WWOX: variants seen among roughly 807,000 people sequenced by gnomAD.
WWOX encodes the protein WW domain-containing oxidoreductase.
WWOX carries 69 observed loss-of-function variants against 46.2 expected under a neutral mutation model. That is an observed-to-expected ratio of 1.49 (90% CI 1.23 to 1.82). The LOEUF (loss-of-function observed/expected upper bound fraction) is 1.82, where lower values mean the gene tolerates loss of function less well. WWOX is among the 40% of genes most tolerant of loss of function. The pLI, the probability that WWOX is intolerant of heterozygous loss-of-function variation, is 0.00. For missense variants in WWOX, 919 were observed against 542.6 expected (o/e 1.69, Z -6.89); for synonymous variants, 359 against 202.6 (o/e 1.77, Z -6.56).
chr16:79,096,404 T>C lies in WWOX; in HGVS notation c.1057-115204T>C, dbSNP rs542823677. Among the ~76,000 whole-genome samples, 13 of 152,206 alleles carry C rather than the reference T, an allele frequency of 8.5e-5. No individual in the cohort carries two copies. The South Asian group carries it at 2.3e-3, about 27-fold the overall frequency. On this transcript the variant is annotated intron_variant, in intron 8 of 8. Transcript: ENST00000566780. ...GGCTCTGTTCTTCCTGCCAGTGCTCTTCCCCCTGCTCACTGGGTTCCAGCT... is the reference window on the plus strand; with the variant it reads ...GGCTCTGTTCTTCCTGCCAGTGCTCCTCCCCCTGCTCACTGGGTTCCAGCT...
chr16:79,135,803 A>G (rs2049971467), intron 8 of WWOX, among the ~76,000 whole-genome samples: 1 of 152,174 alleles, frequency 6.6e-6, no homozygotes, highest in Non-Finnish European at 1.5e-5. Flanking sequence ...TTTACATTGT[A>G]ATTGTGAGTG....
intron 5 of WWOX, among the ~76,000 whole-genome samples, chr16:78,384,485 T>C (rs1376667235): frequency 2.0e-5 from 3 of 152,230 alleles, no homozygotes; most frequent in African/African-American, 7.2e-5. Flanking sequence ...ATGAGGGTTC[T>C]GCTCCTCATC....
At chr16:78,957,453 C>T (rs933280695) in intron 8 of WWOX, among the ~76,000 whole-genome samples, 1 of 152,164 alleles carries the variant, frequency 6.6e-6, no homozygotes, top group African/African-American at 2.4e-5. Context: ...GCCAGTGGCT[C>T]ATTGTAGACA....
chr16:78,935,991 T>C (rs2045729628), intron 8 of WWOX, among the ~76,000 whole-genome samples: 1 of 152,084 alleles, frequency 6.6e-6, no homozygotes, highest in Non-Finnish European at 1.5e-5. Flanking sequence ...GATGGGATTT[T>C]AGTTGCTGGA....
chr16:78,958,737 T>C (rs1157649340), intron 8 of WWOX, among the ~76,000 whole-genome samples: 2 of 152,238 alleles, frequency 1.3e-5, no homozygotes, highest in Non-Finnish European at 2.9e-5. Context: ...TGCAATTAGT[T>C]TGATGAAATA....
intron 8 of WWOX, among the ~76,000 whole-genome samples, chr16:78,948,210 A>G (rs888126380): frequency 1.5e-4 from 23 of 152,180 alleles, no homozygotes; most frequent in African/African-American, 5.1e-4. Flanking sequence ...GACTTGCTCA[A>G]GACCTGGATC....
At chr16:78,177,771 G>T (rs2035397218) in intron 5 of WWOX, among the ~76,000 whole-genome samples, 1 of 152,192 alleles carries the variant, frequency 6.6e-6, no homozygotes, top group African/African-American at 2.4e-5. Context: ...ACAGACATTT[G>T]GGCTGAATTA....
chr16:79,003,730 G>C (rs2047138792), intron 8 of WWOX, among the ~76,000 whole-genome samples: 1 of 152,088 alleles, frequency 6.6e-6, no homozygotes, highest in Non-Finnish European at 1.5e-5. Flanking sequence ...ATTCTTGTAG[G>C]GCAGCTGTTT....
At chr16:78,737,570 T>C (rs1021966290) in intron 8 of WWOX, among the ~76,000 whole-genome samples, 1 of 152,142 alleles carries the variant, frequency 6.6e-6, no homozygotes, top group Non-Finnish European at 1.5e-5. Context: ...TATGTAGTCT[T>C]TTATTCCTCA....
At chr16:78,190,476 T>C (rs2151763062) in intron 5 of WWOX, among the ~76,000 whole-genome samples, 1 of 152,330 alleles carries the variant, frequency 6.6e-6, no homozygotes, top group East Asian at 1.9e-4. Flanking sequence ...CTAGTGACTC[T>C]CTGGTCTCCA....
intron 8 of WWOX, among the ~76,000 whole-genome samples, chr16:78,961,572 A>G (rs944281328): frequency 6.6e-6 from 1 of 151,938 alleles, no homozygotes; most frequent in African/African-American, 2.4e-5. Flanking sequence ...TGGTGGGTGC[A>G]TGGATGGGTG....
chr16:79,179,423 A>G (rs2050865905), intron 8 of WWOX, among the ~76,000 whole-genome samples: 1 of 152,188 alleles, frequency 6.6e-6, no homozygotes, highest in Non-Finnish European at 1.5e-5. Context: ...TGACCAACTA[A>G]TGGAATCCTA....
At chr16:78,108,754 G>A (rs959653546) in intron 2 of WWOX, among the ~76,000 whole-genome samples, 2 of 152,258 alleles carry the variant, frequency 1.3e-5, no homozygotes, top group African/African-American at 4.8e-5. Context: ...TCGGGAGGCC[G>A]AGGCGGATGG....
intron 8 of WWOX, among the ~76,000 whole-genome samples, chr16:78,476,630 AG>A (rs1160337836): frequency 2.8e-5 from 4 of 145,048 alleles, no homozygotes; most frequent in Admixed American, 7.0e-5. Flanking sequence ...AAAAAAAAAA[AG>A]AACTGGAGCA....
intron 5 of WWOX, among the ~76,000 whole-genome samples, chr16:78,173,455 A>ATTTT (rs35394224): frequency 7.4e-6 from 1 of 135,854 alleles, no homozygotes; most frequent in East Asian, 2.2e-4. Flanking sequence ...CACCTGGCTA[A>ATTTT]TTTTTTTTTT....
chr16:78,901,271 C>G (rs2044824920), intron 8 of WWOX, among the ~76,000 whole-genome samples: 1 of 152,132 alleles, frequency 6.6e-6, no homozygotes, highest in South Asian at 2.1e-4. Context: ...TGTGGGAGGA[C>G]AAAAGATCAC....
intron 8 of WWOX, among the ~76,000 whole-genome samples, chr16:78,806,461 G>A (rs1014547021): frequency 3.3e-5 from 5 of 152,166 alleles, no homozygotes; most frequent in African/African-American, 4.8e-5. Context: ...TCCAGCATCA[G>A]CTGAAGCAGC....
intron 6 of WWOX, among the ~76,000 whole-genome samples, chr16:78,421,615 A>G (rs1021987452): frequency 7.2e-5 from 11 of 152,148 alleles, no homozygotes; most frequent in Non-Finnish European, 1.5e-4. Flanking sequence ...GATTCCTACC[A>G]TTCAACCCAC....
chr16:78,958,245 T>C (rs1388531481), intron 8 of WWOX, among the ~76,000 whole-genome samples: 1 of 152,238 alleles, frequency 6.6e-6, no homozygotes, highest in African/African-American at 2.4e-5. Context: ...CGGTTCTTTA[T>C]TGAAATGGTC....
Sources: allele counts gnomAD v4.1 joint callset (sites outside exome capture counted in the v4.1 genomes callset), GRCh38; gene constraint gnomAD v4.1.1; transcripts MANE v1.5; gene names NCBI Gene and HGNC (gene_info 2026-07-23, HGNC 2026-07-21).